The following NAMPT variants were observed in gnomAD, a reference collection of about 807,000 sequenced individuals.
NAMPT encodes the protein NAmPRTase.
NAMPT carries 7 observed loss-of-function variants against 58.7 expected under a neutral mutation model. The observed-to-expected ratio is 0.12, with a 90% CI of 0.07 to 0.22. The LOEUF is 0.22. NAMPT is among the 10% of genes least tolerant of loss of function. NAMPT has a pLI of 1.00. For missense variants in NAMPT, 271 were observed against 567.9 expected (o/e 0.48, Z 5.31); for synonymous variants, 145 against 198.1 (o/e 0.73, Z 2.25).
intron 10 of NAMPT, among the ~76,000 whole-genome samples, chr7:106,252,283 G>C (rs1460432972): frequency 6.6e-6 from 1 of 151,916 alleles, no homozygotes; most frequent in African/African-American, 2.4e-5. Flanking sequence ...TGCCTAACAG[G>C]CTATATAAAG....
In NAMPT at chr7:106,263,608, T is replaced by A. The variant is rs1490153141; in HGVS notation, c.753A>T (p.Thr251=). The A allele has an allele frequency of 1.2e-6, 2 of 1,612,394 alleles. No individual in the cohort carries two copies. The highest frequency in any genetic ancestry group is 2.2e-5 in the East Asian group (1 of 44,836). ...CTTTTTCATGGTCTTTCCCCCAAGC[T>A]GTTATGGTACTAGAAAAAAAAATGA... ...SVPAAEHSTI[T]AWGKDHEKDA... The change falls in exon 7 of 11, where the codon ACA becomes ACT. Residue 251 remains threonine, a synonymous_variant. Coordinates refer to ENST00000222553, the MANE Select transcript of NAMPT (RefSeq NM_005746.3).
At position 106,250,391 on chromosome 7, in the gene NAMPT, A is replaced by G. The variant is rs1792086860; in HGVS notation, c.*692T>C. 6.6e-6 allele frequency: 1 copy of G among 152,514 alleles called. No homozygotes were observed. Among genetic ancestry groups the G allele is most frequent in the Non-Finnish European group, 1.5e-5 (1 of 67,976 alleles). 9.4% of individuals were successfully genotyped at this position (152,514 alleles called of 1,614,324 possible). On this transcript the variant is annotated 3_prime_UTR_variant, in exon 11 of 11. Coordinates refer to ENST00000222553, the MANE Select transcript of NAMPT (RefSeq NM_005746.3). Reference sequence around the variant, plus strand: ...ATTTCACTGGTACAATACAACAACCAAGATATATAATAACTGTACAGTGCC... The same window carrying G: ...ATTTCACTGGTACAATACAACAACCGAGATATATAATAACTGTACAGTGCC...
intron 9 of NAMPT, chr7:106,253,447 G>T: frequency 3.4e-6 from 1 of 293,986 alleles, no homozygotes; most frequent in Non-Finnish European, 6.5e-6. Flanking sequence ...TGACCCTTAA[G>T]GTATCTCTTT....
At chr7:106,277,595 T>A (rs1209189066) in intron 1 of NAMPT, among the ~76,000 whole-genome samples, 1 of 152,234 alleles carries the variant, frequency 6.6e-6, no homozygotes, top group Non-Finnish European at 1.5e-5. Flanking sequence ...AGTCAATGAC[T>A]TAACATGACT....
intron 9 of NAMPT, 86 bp downstream of exon 9, chr7:106,254,278 A>C (rs746142374): frequency 2.7e-6 from 4 of 1,471,510 alleles, no homozygotes; most frequent in Non-Finnish European, 3.8e-6. Flanking sequence ...GGCCACATCA[A>C]TCTTTGACAA....
intron 3 of NAMPT, among the ~76,000 whole-genome samples, chr7:106,273,609 C>T (rs1029748888): frequency 1.3e-5 from 2 of 152,134 alleles, no homozygotes; most frequent in Admixed American, 6.5e-5. Flanking sequence ...TCTAGAGAAC[C>T]TTTAGTTCCC....
chr7:106,263,596 T>C lies in NAMPT; in HGVS notation c.765A>G (p.Lys255=). The C allele has an allele frequency of 6.2e-7, 1 of 1,613,154 alleles. No individual in the cohort carries two copies. The highest frequency in any genetic ancestry group is 8.5e-7 in the Non-Finnish European group (1 of 1,179,310). Residue 255 remains lysine, a synonymous_variant, in exon 7 of 11, where the codon AAA becomes AAG. Coordinates refer to ENST00000222553, the MANE Select transcript of NAMPT (RefSeq NM_005746.3). ...AEHSTITAWG[K]DHEKDAFEHI... ...GTTCAAAAGCATCTTTTTCATGGTC[T>C]TTCCCCCAAGCTGTTATGGTACTAG... is the stretch of plus-strand genomic sequence containing the variant.
intron 3 of NAMPT, among the ~76,000 whole-genome samples, chr7:106,273,303 A>G (rs1586023803): frequency 6.6e-6 from 1 of 152,156 alleles, no homozygotes. Flanking sequence ...GCTGAAGGTT[A>G]TTTGTTATGT....
intron 9 of NAMPT, 95 bp from the exon 10 acceptor site, chr7:106,253,246 T>G: frequency 1.5e-6 from 2 of 1,342,866 alleles, no homozygotes; most frequent in South Asian, 2.8e-5. Flanking sequence ...ATAATTTACA[T>G]TTAAGTTTTA....
chr7:106,271,981 GCTCGCAGTATAAA>G (rs769623214), intron 4 of NAMPT: 195 of 219,630 alleles, frequency 8.9e-4, no homozygotes, highest in Non-Finnish European at 1.7e-3. Flanking sequence ...CAAAAAAAAG[GCTCGCAGTATAAA>G]CCCAAAGCCC....
At chr7:106,278,766 G>A (rs764356705) in intron 1 of NAMPT, among the ~76,000 whole-genome samples, 17 of 152,156 alleles carry the variant, frequency 1.1e-4, no homozygotes, top group Non-Finnish European at 1.9e-4. Context: ...AGTTTACAAT[G>A]TAAATAACTC....
intron 10 of NAMPT, among the ~76,000 whole-genome samples, chr7:106,251,993 G>A (rs1409470334): frequency 6.6e-6 from 1 of 151,996 alleles, no homozygotes; most frequent in African/African-American, 2.4e-5. Context: ...TTCTGTCATT[G>A]TGTTGCTTCA....
At chr7:106,253,960 T>A (rs1792149845) in intron 9 of NAMPT, among the ~76,000 whole-genome samples, 1 of 152,150 alleles carries the variant, frequency 6.6e-6, no homozygotes, top group South Asian at 2.1e-4. Flanking sequence ...GACTGTGGTA[T>A]AACAATCCAA....
In NAMPT at chr7:106,274,939, C is replaced by T. The variant is rs772407422; in HGVS notation, c.318+7G>A. ...AAAACAGATCAAAAGATGAAACCAT[C>T]TTTTACCTCAAGAATGTAGTTCCAT... is the stretch of plus-strand genomic sequence containing the variant. On this transcript the variant is annotated splice_region_variant and intron_variant, in intron 3 of 10. Transcript: ENST00000222553. 1.9e-6 allele frequency: 3 copies of T among 1,561,462 alleles called. No individual in the cohort carries two copies. The highest frequency in any genetic ancestry group is 3.5e-5 in the Admixed American group (2 of 57,194).
intron 8 of NAMPT, among the ~76,000 whole-genome samples, chr7:106,259,214 A>C (rs1460624604): frequency 2.6e-5 from 4 of 152,200 alleles, no homozygotes; most frequent in Non-Finnish European, 5.9e-5. Flanking sequence ...TTCAGGCTCC[A>C]CCACTTCTAG....
intron 4 of NAMPT, among the ~76,000 whole-genome samples, chr7:106,271,604 G>T (rs13240452): frequency 6.6e-6 from 1 of 151,366 alleles, no homozygotes. Context: ...CCTTTTTTTT[G>T]AGTGTATTAT....
intron 1 of NAMPT, among the ~76,000 whole-genome samples, chr7:106,279,381 C>T (rs1004067412): frequency 1.3e-5 from 2 of 152,000 alleles, no homozygotes; most frequent in African/African-American, 4.8e-5. Context: ...CTACTAACAC[C>T]CAACAAGTTT....
In NAMPT at chr7:106,263,930, A is replaced by C. The variant is rs145213708; in HGVS notation, c.744-313T>G. 9.1e-3 allele frequency among the ~76,000 whole-genome samples: 1,392 copies of C among 152,206 alleles called. 11 individuals carry two copies. Among genetic ancestry groups the C allele is most frequent in the Admixed American group, 0.015 (231 of 15,290 alleles). ...TTCCTGAATCTACTCATTTAAAATC[A>C]GTCTAACTAAAAAGCACTTGCTGAG... On this transcript the variant is annotated intron_variant, in intron 6 of 10. Coordinates refer to ENST00000222553, the MANE Select transcript of NAMPT (RefSeq NM_005746.3).
intron 8 of NAMPT, among the ~76,000 whole-genome samples, chr7:106,257,462 A>G (rs1391872727): frequency 1.1e-5 from 1 of 93,448 alleles, no homozygotes; most frequent in Non-Finnish European, 2.3e-5. Context: ...TCTACAAAAC[A>G]TTAAAAAAAA....
Sources: allele counts gnomAD v4.1 joint callset (sites outside exome capture counted in the v4.1 genomes callset), GRCh38; gene constraint gnomAD v4.1.1; transcripts MANE v1.5; gene names NCBI Gene and HGNC (gene_info 2026-07-23, HGNC 2026-07-21).